The following PAX9 variants were observed in gnomAD, a reference collection of about 807,000 sequenced individuals.
The protein encoded by PAX9 is paired box protein Pax-9.
A neutral mutation model predicts 29.1 loss-of-function variants in PAX9; 6 were observed. The ratio of observed to expected loss-of-function variants is 0.21; its 90% CI spans 0.11 to 0.41. The LOEUF (loss-of-function observed/expected upper bound fraction) is 0.41, where lower values mean the gene tolerates loss of function less well. Among genes scored for constraint, PAX9 ranks in the 10% least tolerant of loss-of-function variants. The pLI, the probability that PAX9 is intolerant of heterozygous loss-of-function variation, is 1.00. For missense variants in PAX9, 443 were observed against 479.1 expected, an observed-to-expected ratio of 0.92 and a Z score of 0.70; for synonymous variants, 217 against 211.7, an observed-to-expected ratio of 1.03 and a Z score of -0.22.
rs755171552 is a variant in PAX9, at chr14:36,663,505, C to T, written c.613C>T (p.Arg205Cys). 5 of 1,612,930 alleles carry T rather than the reference C, an allele frequency of 3.1e-6. No individual in the cohort carries two copies. The highest frequency in any genetic ancestry group is 4.2e-6 in the Non-Finnish European group (5 of 1,179,904). The change falls in exon 2 of 4, where the codon CGC becomes TGC. Residue 205 changes from arginine to cysteine, a missense_variant. Physicochemically the swap from Arg to Cys is radical, Grantham distance 180. This residue lies in a region of PAX9 where 336 missense variants were observed against 317.2 expected (regional missense o/e 1.06). Transcript: ENST00000361487. ...CTCCGTCACCGACATCCTGGGCATC[C>T]GCTCCATCACCGACCAAGGTAGGGG... Reference protein sequence around the residue: ...SHSVTDILGIRSITDQVSDSS... With the variant: ...SHSVTDILGICSITDQVSDSS...
Position 36,666,416 on chromosome 14 carries a change from G to A in PAX9, c.632-46G>A, listed in dbSNP as rs371819672. On this transcript the variant is annotated intron_variant, in intron 2 of 3. Coordinates refer to ENST00000361487, the MANE Select transcript of PAX9 (RefSeq NM_001372076.1). ...TTGGGTCCCGTCTCAAGAGTGGGGCGCGCGGGCTGGGCCTCCGGCCTGACA... is the reference window on the plus strand; with the variant it reads ...TTGGGTCCCGTCTCAAGAGTGGGGCACGCGGGCTGGGCCTCCGGCCTGACA... 4.4e-6 allele frequency: 7 copies of A among 1,593,464 alleles called. No individual in the cohort carries two copies. The African/African-American group carries it at 5.4e-5, about 12-fold the overall frequency.
chr14:36,672,916 A>AG (rs1333761511), intron 3 of PAX9, among the ~76,000 whole-genome samples: 2 of 105,766 alleles, frequency 1.9e-5, no homozygotes, highest in African/African-American at 3.7e-5. Context: ...CCCAGGCTGG[A>AG]GTGCAATGAT....
At chr14:36,662,138 G>A (rs1485273974) in intron 1 of PAX9, 45 bp downstream of exon 1, 4 of 1,482,520 alleles carry the variant, frequency 2.7e-6, no homozygotes, top group Admixed American at 2.2e-5. Flanking sequence ...AAGGGAGGGA[G>A]GGAGCGAGCG....
chr14:36,660,364 G>T (rs1171845963), upstream of PAX9, among the ~76,000 whole-genome samples: 4 of 152,202 alleles, frequency 2.6e-5, no homozygotes, highest in African/African-American at 9.7e-5. Flanking sequence ...ACAAGTTCAA[G>T]TATGTCTAGT....
upstream of PAX9, among the ~76,000 whole-genome samples, chr14:36,661,002 G>A (rs1566464953): frequency 1.3e-5 from 2 of 152,248 alleles, no homozygotes; most frequent in African/African-American, 2.4e-5. Context: ...TCTTTCGAGA[G>A]GGCTCGCTGG....
upstream of PAX9, among the ~76,000 whole-genome samples, chr14:36,660,234 A>C (rs17104879): frequency 0.026 from 3,998 of 152,278 alleles, 181 homozygotes; most frequent in African/African-American, 0.091. Context: ...TTGTGTAAAA[A>C]TGCCAGGCGG....
Position 36,669,170 on chromosome 14 carries a change from A to T in PAX9, c.771+2569A>T, listed in dbSNP as rs191372504. 3.9e-5 allele frequency among the ~76,000 whole-genome samples: 6 copies of T among 152,342 alleles called. No individual in the cohort carries two copies. In the East Asian group the frequency reaches 1.2e-3, roughly 29 times the overall value. On this transcript the variant is annotated intron_variant, in intron 3 of 3. Transcript: ENST00000361487. Reference sequence around the variant, plus strand: ...TTAATGTTGAAGATGTGCCAAGTTCAGCCGTGCCATTTTTCTGAGCAGTTT... The same window carrying T: ...TTAATGTTGAAGATGTGCCAAGTTCTGCCGTGCCATTTTTCTGAGCAGTTT...
chr14:36,676,483 G>A lies in PAX9; in HGVS notation c.*31G>A, dbSNP rs754297349. 4 of 1,607,004 alleles carry A rather than the reference G, an allele frequency of 2.5e-6. No individual in the cohort carries two copies. The highest frequency in any genetic ancestry group is 1.7e-5 in the Admixed American group (1 of 59,972). ...AATTCCGTCTCCAGCAGCTTCACCC[G>A]GGTCTCCCTGTCTCAGCACCTCCTC... On this transcript the variant is annotated 3_prime_UTR_variant, in exon 4 of 4. Transcript: ENST00000361487.
chr14:36,676,182 T>C lies in PAX9; in HGVS notation c.772-16T>C. 6.2e-7 allele frequency: 1 copy of C among 1,614,040 alleles called. No individual in the cohort carries two copies. Among genetic ancestry groups the C allele is most frequent in the Non-Finnish European group, 8.5e-7 (1 of 1,179,900 alleles). On this transcript the variant is annotated splice_polypyrimidine_tract_variant and intron_variant, in intron 3 of 3. Transcript: ENST00000361487. ...TATAATGTGATTATTTTTCACTTCT[T>C]TTCTACTCCTCTCAGGCACCAAATG...
intron 3 of PAX9, among the ~76,000 whole-genome samples, chr14:36,674,825 C>A (rs919742238): frequency 1.3e-5 from 2 of 152,190 alleles, no homozygotes; most frequent in African/African-American, 4.8e-5. Flanking sequence ...ACAAGGCTAA[C>A]CCCTCTAATA....
chr14:36,658,374 G>T (rs969876069), upstream of PAX9, among the ~76,000 whole-genome samples: 12 of 89,598 alleles, frequency 1.3e-4, no homozygotes, highest in East Asian at 3.1e-3. Context: ...GGCCTCGCTT[G>T]GGGGGGGGGG....
At chr14:36,666,970 A>G (rs1881526399) in intron 3 of PAX9, among the ~76,000 whole-genome samples, 1 of 152,038 alleles carries the variant, frequency 6.6e-6, no homozygotes, top group Admixed American at 6.5e-5. Context: ...TAACCAAAGA[A>G]GGCGCTTCTG....
At position 36,677,593 on chromosome 14, in the gene PAX9, A is replaced by C. The variant is rs1881956524; in HGVS notation, c.*1141A>C. ...TTGTTGGCTTACCTGTGTGTTCAGCAATCTCAGCCCCAAATAATGTTGTAA... is the reference window on the plus strand; with the variant it reads ...TTGTTGGCTTACCTGTGTGTTCAGCCATCTCAGCCCCAAATAATGTTGTAA... On this transcript the variant is annotated 3_prime_UTR_variant, in exon 4 of 4. Transcript: ENST00000361487. 6.6e-6 allele frequency: 1 copy of C among 152,230 alleles called. No homozygotes were observed. Among genetic ancestry groups the C allele is most frequent in the Admixed American group, 6.5e-5 (1 of 15,290 alleles). The allele number at this position is 152,230 out of a possible 1,614,324, so 9.4% of individuals were successfully genotyped here. A position where few individuals can be genotyped will look rare whatever the true frequency, so the allele number is the denominator to read the frequency against.
chr14:36,677,433 G>A lies in PAX9; in HGVS notation c.*981G>A, dbSNP rs901172407. On this transcript the variant is annotated 3_prime_UTR_variant, in exon 4 of 4. Coordinates refer to ENST00000361487, the MANE Select transcript of PAX9 (RefSeq NM_001372076.1). ...CATGCTAAGCATATAAAGACAAGAG[G>A]GTGGAAAATATCTGAACAAGAAGGC... is the stretch of plus-strand genomic sequence containing the variant. 1 of 152,078 alleles carries A rather than the reference G, an allele frequency of 6.6e-6. No homozygotes were observed. The highest frequency in any genetic ancestry group is 2.4e-5 in the African/African-American group (1 of 41,396). 9.4% of individuals were successfully genotyped at this position (152,078 alleles called of 1,614,324 possible). A position where few individuals can be genotyped will look rare whatever the true frequency, so the allele number is the denominator to read the frequency against.
At chr14:36,660,754 T>C (rs1428118584), upstream of PAX9, among the ~76,000 whole-genome samples, 10 of 152,232 alleles carry the variant, frequency 6.6e-5, no homozygotes, top group Admixed American at 3.9e-4. Flanking sequence ...ATTTCTCTTC[T>C]TGTTTATTAT....
Position 36,676,308 on chromosome 14 carries a change from T to C in PAX9, c.882T>C (p.Ser294=). The C allele has an allele frequency of 6.2e-7, 1 of 1,614,218 alleles. No homozygotes were observed. Among genetic ancestry groups the C allele is most frequent in the South Asian group, 1.1e-5 (1 of 91,084 alleles). ...ACATGACCTACAGTGCTGCTCCTTC[T>C]GGTTATGTTGCTGGACATGGGTGGC... ...SPYMTYSAAP[S]GYVAGHGWQH... The change falls in exon 4 of 4, where the codon TCT becomes TCC. Residue 294 remains serine, a synonymous_variant. Transcript: ENST00000361487.
At chr14:36,659,840 T>C (rs1263695946), upstream of PAX9, among the ~76,000 whole-genome samples, 1 of 152,180 alleles carries the variant, frequency 6.6e-6, no homozygotes, top group African/African-American at 2.4e-5. Context: ...CTCTAAACCA[T>C]ATCAGTTTCT....
chr14:36,667,047 G>A (rs893309895), intron 3 of PAX9, among the ~76,000 whole-genome samples: 1 of 152,298 alleles, frequency 6.6e-6, no homozygotes, highest in East Asian at 1.9e-4. Flanking sequence ...CGCGCGCCCC[G>A]GGTCTCGGCC....
chr14:36,678,549 T>G lies in PAX9; in HGVS notation c.*2097T>G, dbSNP rs918687817. 4 of 1,536,486 alleles carry G rather than the reference T, an allele frequency of 2.6e-6. No homozygotes were observed. Among genetic ancestry groups the G allele is most frequent in the African/African-American group, 2.7e-5 (2 of 73,008 alleles). On this transcript the variant is annotated 3_prime_UTR_variant, in exon 4 of 4. Transcript: ENST00000361487. ...TCCAATCCAATATTTTGGTGGAGAC[T>G]TCTTTAAAACCATACCATACAGGGA...
Sources: gnomAD v4.1 joint callset for allele counts (sites outside exome capture counted in the v4.1 genomes callset) on GRCh38, gnomAD v4.1.1 for gene constraint, gnomAD v4.1.1 regional missense constraint, MANE v1.5 for transcripts, NCBI Gene and HGNC (gene_info 2026-07-23, HGNC 2026-07-21) for gene names.